Variants in UCK1 observed in about 807,000 individuals in gnomAD.
UCK1 encodes the protein uridine-cytidine kinase 1.
UCK1 carries 20 observed loss-of-function variants against 34.0 expected under a neutral mutation model. That is an observed-to-expected ratio of 0.59 (90% CI 0.41 to 0.86). The LOEUF is 0.86. Among genes scored for constraint, UCK1 ranks in the 40% least tolerant of loss-of-function variants. The pLI is 0.00. For missense variants in UCK1, 343 were observed against 383.6 expected (o/e 0.89, Z 0.88); for synonymous variants, 168 against 155.9 (o/e 1.08, Z -0.58).
intron 5 of UCK1, among the ~76,000 whole-genome samples, chr9:131,528,123 G>A (rs1431065015): frequency 3.3e-5 from 5 of 150,956 alleles, no homozygotes; most frequent in African/African-American, 9.7e-5. Flanking sequence ...GGAGTGAGCC[G>A]AGATCGTGCC....
intron 5 of UCK1, among the ~76,000 whole-genome samples, chr9:131,527,090 G>A (rs1406072938): frequency 6.6e-6 from 1 of 152,060 alleles, no homozygotes; most frequent in Non-Finnish European, 1.5e-5. Context: ...GGCTGAGGTG[G>A]GTGGACTGCT....
At chr9:131,530,742 G>T in intron 1 of UCK1, 97 bp from the exon 2 acceptor site, 1 of 1,609,262 alleles carries the variant, frequency 6.2e-7, no homozygotes, top group East Asian at 2.2e-5. Flanking sequence ...GCCCCCTGGG[G>T]GGTATGCTCG....
chr9:131,531,238 G>T lies in UCK1; in HGVS notation c.-64C>A. 7.7e-7 allele frequency: 1 copy of T among 1,294,114 alleles called. No homozygotes were observed. The highest frequency in any genetic ancestry group is 9.9e-7 in the Non-Finnish European group (1 of 1,013,712). The allele number at this position is 1,294,114 out of a possible 1,614,324, so 80.2% of individuals were successfully genotyped here. A position where few individuals can be genotyped will look rare whatever the true frequency, so the allele number is the denominator to read the frequency against. On this transcript the variant is annotated 5_prime_UTR_variant, in exon 1 of 7. Transcript: ENST00000372215. Reference sequence around the variant, plus strand: ...CCCCTTCCCCAGGCCCGGCGCGCCCGCCCAGCGCCGAGGTCGGAGGCAACC... The same window carrying T: ...CCCCTTCCCCAGGCCCGGCGCGCCCTCCCAGCGCCGAGGTCGGAGGCAACC...
At position 131,525,303 on chromosome 9, in the gene UCK1, G is replaced by C. The variant is rs1417314094; in HGVS notation, c.653-82C>G. The C allele has an allele frequency of 3.2e-6, 5 of 1,574,624 alleles. No individual in the cohort carries two copies. The East Asian group carries it at 1.1e-4, about 36-fold the overall frequency. ...GCCCCTCCCCGCAGCACTCGGCCAG[G>C]AGTGAGCGCCCAACCTCTGCCCTGA... is the stretch of plus-strand genomic sequence containing the variant. On this transcript the variant is annotated intron_variant, in intron 6 of 6. Coordinates refer to ENST00000372215, the MANE Select transcript of UCK1 (RefSeq NM_031432.5).
In UCK1 at chr9:131,525,330, G is replaced by T. The variant is rs182351386; in HGVS notation, c.653-109C>A. The T allele has an allele frequency of 2.2e-5, 30 of 1,389,878 alleles. No individual in the cohort carries two copies. The East Asian group carries it at 7.1e-4, about 33-fold the overall frequency. The allele number at this position is 1,389,878 out of a possible 1,614,324, so 86.1% of individuals were successfully genotyped here. On this transcript the variant is annotated intron_variant, in intron 6 of 6. Coordinates refer to ENST00000372215, the MANE Select transcript of UCK1 (RefSeq NM_031432.5). ...GTGAGCGCCCAACCTCTGCCCTGAG[G>T]CACAGCCTGCGGCGAGGGGCATCGA...
At chr9:131,530,431 A>T in intron 2 of UCK1, 55 bp downstream of exon 2, 1 of 1,601,308 alleles carries the variant, frequency 6.2e-7, no homozygotes, top group Non-Finnish European at 8.5e-7. Context: ...GCAGCTGGTT[A>T]GCGGCCGCCC....
rs77197510 is a variant in UCK1 at position 131,525,502 on chromosome 9, A to G, written c.653-281T>C. On this transcript the variant is annotated intron_variant, in intron 6 of 6. Transcript: ENST00000372215. ...TACATATATATATGTTTTAAGAAAC[A>G]GGTTCTTACTTTACTGCCTAGGCTG... 4.5e-3 allele frequency among the ~76,000 whole-genome samples: 681 copies of G among 152,324 alleles called. 6 individuals are homozygous for G. The highest frequency in any genetic ancestry group is 0.016 in the African/African-American group (662 of 41,568).
At chr9:131,530,795 A>C in intron 1 of UCK1, 150 bp from the exon 2 acceptor site, 1 of 1,427,098 alleles carries the variant, frequency 7.0e-7, no homozygotes. Context: ...TCTCAGCGGA[A>C]GGGCCGCGGG....
rs954452975 is a variant in UCK1 at position 131,531,140 on chromosome 9, G to T, written c.35C>A (p.Pro12His). The change falls in exon 1 of 7, where the codon CCC becomes CAC. Residue 12 changes from proline (P) to histidine (H), a missense_variant. Pro to His is a moderately conservative substitution (Grantham distance 77). Transcript: ENST00000372215. The stretch of plus-strand genomic sequence containing the variant: ...GTGCGGACGGTCGGCCTCCGGCGCG[G>T]GGCTCTCGCAGTCTTCGCCTCCCGC... ...ASAGGEDCES[P>H]APEADRPHQR... 2.0e-5 allele frequency: 29 copies of T among 1,449,804 alleles called. No individual in the cohort carries two copies. In the African/African-American group the frequency reaches 3.6e-4, roughly 18 times the overall value. The allele number at this position is 1,449,804 out of a possible 1,614,324, so 89.8% of individuals were successfully genotyped here.
Position 131,529,021 on chromosome 9 carries a change from G to A in UCK1, c.526C>T (p.Arg176Ter), listed in dbSNP as rs576279404. The change falls in exon 5 of 7, where the codon CGA (arginine) becomes TGA (stop). Residue 176 changes from arginine (R) to a stop codon, truncating the protein, a stop_gained. Coordinates refer to ENST00000372215, the MANE Select transcript of UCK1 (RefSeq NM_031432.5). LOFTEE classifies it high-confidence loss of function. ...LSRRVLRDVR[R>*]GRDLEQILTQ... is the part of the protein sequence containing the mutation. ...AGAATCTGCTCCAGGTCCCTCCCTC[G>A]GCGCACGTCCCGGAGAACTGCAGCG... 2.5e-6 allele frequency: 4 copies of A among 1,614,064 alleles called. No homozygotes were observed. Among genetic ancestry groups the A allele is most frequent in the African/African-American group, 1.3e-5 (1 of 75,036 alleles).
In UCK1 at chr9:131,531,204, CCGCGCCCGCCCCTTCCCCAGGCCCGG is replaced by C. The variant is rs1205408243; in HGVS notation, c.-56_-31del. 74 of 1,362,098 alleles carry C rather than the reference CCGCGCCCGCCCCTTCCCCAGGCCCGG, an allele frequency of 5.4e-5. No homozygotes were observed. The highest frequency in any genetic ancestry group is 6.6e-5 in the Non-Finnish European group (70 of 1,058,280). The allele number at this position is 1,362,098 out of a possible 1,614,324, so 84.4% of individuals were successfully genotyped here. On this transcript the variant is annotated 5_prime_UTR_variant, in exon 1 of 7. Coordinates refer to ENST00000372215, the MANE Select transcript of UCK1 (RefSeq NM_031432.5). The stretch of plus-strand genomic sequence containing the variant: ...GCCTCCGCTCCCGCGCATCGGGTCC[CCGCGCCCGCCCCTTCCCCAGGCCCGG>C]CGCGCCCGCCCAGCGCCGAGGTCGG...
In UCK1 at chr9:131,526,488, CCT is replaced by C. The variant is rs146975097; in HGVS notation, c.604-513_604-512del. On this transcript the variant is annotated intron_variant, in intron 5 of 6. Transcript: ENST00000372215. ...ATTGGCTCAATGCTGACTCTCATTC[CCT>C]GTCAGATGCTCTGCTGCTGAGGAAG... 9.6e-5 allele frequency: 124 copies of C among 1,289,734 alleles called. 1 individual carries two copies. In the East Asian group the frequency reaches 4.7e-3, roughly 48 times the overall value. The allele number at this position is 1,289,734 out of a possible 1,614,324, so 79.9% of individuals were successfully genotyped here. A position where few individuals can be genotyped will look rare whatever the true frequency, so the allele number is the denominator to read the frequency against.
At chr9:131,530,694 C>G in intron 1 of UCK1, 49 bp from the exon 2 acceptor site, 1 of 1,614,132 alleles carries the variant, frequency 6.2e-7, no homozygotes, top group Non-Finnish European at 8.5e-7. Context: ...CGTCCTGTGA[C>G]AGGCACGGGG....
At chr9:131,530,992 T>C in intron 1 of UCK1, 75 bp downstream of exon 1, 1 of 1,256,814 alleles carries the variant, frequency 8.0e-7, no homozygotes, top group Non-Finnish European at 1.0e-6. Flanking sequence ...CGGCCGGGGC[T>C]GGGGTCTCCT....
chr9:131,526,732 G>A (rs534232575), intron 5 of UCK1, among the ~76,000 whole-genome samples: 60 of 152,338 alleles, frequency 3.9e-4, no homozygotes, highest in Admixed American at 2.0e-3. Flanking sequence ...TCAAGAAGGC[G>A]GCAGAAGAGA....
In UCK1 at chr9:131,524,716, A is replaced by G. The variant is rs1473741076; in HGVS notation, c.*324T>C. 3 of 269,524 alleles carry G rather than the reference A, an allele frequency of 1.1e-5. No individual in the cohort carries two copies. The highest frequency in any genetic ancestry group is 2.2e-5 in the African/African-American group (1 of 44,892). 16.7% of individuals were successfully genotyped at this position (269,524 alleles called of 1,614,324 possible). On this transcript the variant is annotated 3_prime_UTR_variant, in exon 7 of 7. Coordinates refer to ENST00000372215, the MANE Select transcript of UCK1 (RefSeq NM_031432.5). ...AGCCAGTGTCTAGGCTGTCTCCTCA[A>G]TTTCCCCAATAATGTGCCTCACATT...
chr9:131,531,138 CG>C lies in UCK1; in HGVS notation c.36del (p.Ala13ArgfsTer13). On this transcript the variant is annotated frameshift_variant, in exon 1 of 7. Coordinates refer to ENST00000372215, the MANE Select transcript of UCK1 (RefSeq NM_031432.5). LOFTEE classifies it high-confidence loss of function. ...ASAGGEDCES[P>X]APEADRPHQR... Reference sequence around the variant, plus strand: ...TGGTGCGGACGGTCGGCCTCCGGCGCGGGGCTCTCGCAGTCTTCGCCTCCCG... The same window carrying C: ...TGGTGCGGACGGTCGGCCTCCGGCGCGGGCTCTCGCAGTCTTCGCCTCCCG... The C allele has an allele frequency of 6.9e-7, 1 of 1,449,594 alleles. No homozygotes were observed. The highest frequency in any genetic ancestry group is 3.1e-5 in the East Asian group (1 of 32,730). The allele number at this position is 1,449,594 out of a possible 1,614,324, so 89.8% of individuals were successfully genotyped here.
rs1330266361 is a variant in UCK1, at chr9:131,530,585, G to A, written c.169C>T (p.Arg57Trp). ...LGQNEVEQRQRKVVILSQDRF... is the reference protein window; with the variant it reads ...LGQNEVEQRQWKVVILSQDRF... The stretch of plus-strand genomic sequence containing the variant: ...TCCTGGCTCAGGATGACCACCTTCC[G>A]CTGCCGCTGTTCCACCTCGTTCTGT... Residue 57 changes from arginine (R) to tryptophan (W), a missense_variant, in exon 2 of 7, where the codon CGG becomes TGG. Arg to Trp is a moderately radical substitution (Grantham distance 101). Transcript: ENST00000372215. The A allele has an allele frequency of 2.5e-6, 4 of 1,614,212 alleles. No homozygotes were observed. Among genetic ancestry groups the A allele is most frequent in the Admixed American group, 1.7e-5 (1 of 60,034 alleles).
chr9:131,530,775 G>A lies in UCK1; in HGVS notation c.109-130C>T, dbSNP rs548706068. ...TCGGAAGGCGGGAGGACACCAACAG[G>A]TGTGGATGGTCTCAGCGGAAGGGCC... On this transcript the variant is annotated intron_variant, in intron 1 of 6. Coordinates refer to ENST00000372215, the MANE Select transcript of UCK1 (RefSeq NM_031432.5). 6.9e-4 allele frequency: 1,060 copies of A among 1,531,448 alleles called. 11 individuals carry two copies. In the African/African-American group the frequency reaches 0.013, roughly 18 times the overall value. The allele number at this position is 1,531,448 out of a possible 1,614,324, so 94.9% of individuals were successfully genotyped here.
Sources: gnomAD v4.1 joint callset for allele counts (sites outside exome capture counted in the v4.1 genomes callset) on GRCh38, gnomAD v4.1.1 for gene constraint, MANE v1.5 for transcripts, NCBI Gene and HGNC (gene_info 2026-07-23, HGNC 2026-07-21) for gene names.